Variants in TBCD observed in about 807,000 individuals in gnomAD.
TBCD encodes tubulin folding cofactor D, also known as tubulin-specific chaperone D.
TBCD carries 105 observed loss-of-function variants against 169.3 expected under a neutral mutation model. The observed-to-expected ratio is 0.62, with a 90% CI of 0.53 to 0.73. The LOEUF (loss-of-function observed/expected upper bound fraction) is 0.73. Ranked by LOEUF, TBCD falls within the 30% of genes least tolerant of loss-of-function variation. The pLI is 0.00. For synonymous variants in TBCD, 700 were observed against 643.9 expected (o/e 1.09, Z -1.32); for missense variants, 1,444 against 1,600.1 (o/e 0.90, Z 1.66).
At chr17:82,752,431 C>T in intron 1 of TBCD, 54 bp downstream of exon 1, 2 of 1,177,454 alleles carry the variant, frequency 1.7e-6, no homozygotes, top group Non-Finnish European at 1.1e-6. Flanking sequence ...GTTCGGCGCG[C>T]TGAGTGCACT....
At position 82,806,173 on chromosome 17, in the gene TBCD, A is replaced by G. The variant is rs966798687; in HGVS notation, c.1087+162A>G. On this transcript the variant is annotated intron_variant, in intron 10 of 38. Transcript: ENST00000355528. This position sits in a 1 kb window ranked among gnomAD's most constrained non-coding sequence, Gnocchi z 5.1. ...TCACTGCCCGTCCTCTGGCTCCTGA[A>G]CCCAGGCCTGTCCCTGACCATGGAC... Among the ~76,000 whole-genome samples the G allele has an allele frequency of 4.6e-5, 7 of 151,726 alleles. No homozygotes were observed. The highest frequency in any genetic ancestry group is 3.3e-4 in the Admixed American group (5 of 15,250).
chr17:82,832,157 A>G lies in TBCD; in HGVS notation c.1318+17223A>G. The stretch of plus-strand genomic sequence containing the variant: ...CTGGCAGAGCTGTGCTGAAGCTTCG[A>G]GTCGAAGGCAGAGAGTCCATTTGCG... On this transcript the variant is annotated intron_variant, in intron 13 of 38. Coordinates refer to ENST00000355528, the MANE Select transcript of TBCD (RefSeq NM_005993.5). This position sits in a 1 kb window ranked among gnomAD's most constrained non-coding sequence, Gnocchi z 4.9. 1.2e-6 allele frequency: 2 copies of G among 1,614,196 alleles called. No homozygotes were observed. Among genetic ancestry groups the G allele is most frequent in the Non-Finnish European group, 1.7e-6 (2 of 1,180,036 alleles).
rs1306595095 is a variant in TBCD at position 82,884,666 on chromosome 17, G to A, written c.1533+464G>A. 6 of 207,692 alleles carry A rather than the reference G, an allele frequency of 2.9e-5. No individual in the cohort carries two copies. The highest frequency in any genetic ancestry group is 5.1e-5 in the Non-Finnish European group (5 of 98,600). The allele number at this position is 207,692 out of a possible 1,614,324, so 12.9% of individuals were successfully genotyped here. ...CTCGCCTGGGCCTTGCTGGATGTGG[G>A]AGCTGCCTGCAGGACCGGGTGCGTC... On this transcript the variant is annotated intron_variant, in intron 15 of 38. Transcript: ENST00000355528. The surrounding 1 kb of genome is among the most constrained non-coding windows in gnomAD (Gnocchi z 4.2).
Position 82,884,152 on chromosome 17 carries a change from G to A in TBCD, c.1483G>A (p.Val495Met). Reference sequence around the variant, plus strand: ...CCTTTCTCTTTTTCACAGTGCACTGGTGATTGCTGCGGTGTTTGACCGAGA... The same window carrying A: ...CCTTTCTCTTTTTCACAGTGCACTGATGATTGCTGCGGTGTTTGACCGAGA... ...PFVTAISSAL[V>M]IAAVFDRDIN... The change falls in exon 15 of 39, where the codon GTG becomes ATG. Residue 495 changes from valine (V) to methionine (M), a missense_variant. Coordinates refer to ENST00000355528, the MANE Select transcript of TBCD (RefSeq NM_005993.5). This position sits in a 1 kb window ranked among gnomAD's most constrained non-coding sequence, Gnocchi z 4.2. 6.2e-7 allele frequency: 1 copy of A among 1,609,636 alleles called. No individual in the cohort carries two copies. Among genetic ancestry groups the A allele is most frequent in the Non-Finnish European group, 8.5e-7 (1 of 1,177,758 alleles).
intron 18 of TBCD, among the ~76,000 whole-genome samples, chr17:82,901,271 T>C (rs1281530741): frequency 2.0e-5 from 3 of 152,220 alleles, no homozygotes; most frequent in Non-Finnish European, 4.4e-5. Context: ...ACCGCCGCCC[T>C]GAGGAGGTCA....
intron 12 of TBCD, among the ~76,000 whole-genome samples, chr17:82,814,360 A>G (rs1200773477): frequency 6.6e-6 from 1 of 152,156 alleles, no homozygotes; most frequent in Non-Finnish European, 1.5e-5. Context: ...TGTGGTGGGA[A>G]AACCCCACCT....
rs1423127735 is a variant in TBCD, at chr17:82,807,707, G to GCCGGC, written c.1148+41_1148+45dup. 3 of 1,412,370 alleles carry GCCGGC rather than the reference G, an allele frequency of 2.1e-6. No homozygotes were observed. In the African/African-American group the frequency reaches 4.4e-5, roughly 21 times the overall value. 87.5% of individuals were successfully genotyped at this position (1,412,370 alleles called of 1,614,324 possible). ...GCCGCAGAAGCACCCCGGGGGGTGG[G>GCCGGC]CCGGCCTCTCCTGTGCGATTCAGCA... On this transcript the variant is annotated intron_variant, in intron 11 of 38. Transcript: ENST00000355528.
Position 82,903,401 on chromosome 17 carries a change from T to G in TBCD, c.1731-4T>G. The stretch of plus-strand genomic sequence containing the variant: ...CACTTACGACATTCTCTCCTCACTC[T>G]CAGGGTCATCCGAGAGTTGGCTGCG... On this transcript the variant is annotated splice_polypyrimidine_tract_variant and splice_region_variant and intron_variant, in intron 18 of 38. Coordinates refer to ENST00000355528, the MANE Select transcript of TBCD (RefSeq NM_005993.5). The surrounding 1 kb of genome is among the most constrained non-coding windows in gnomAD (Gnocchi z 4.8). The G allele has an allele frequency of 6.2e-7, 1 of 1,600,492 alleles. No individual in the cohort carries two copies. The highest frequency in any genetic ancestry group is 8.5e-7 in the Non-Finnish European group (1 of 1,173,576).
At chr17:82,816,675 C>T (rs2459714) in intron 13 of TBCD, among the ~76,000 whole-genome samples, 44 of 151,496 alleles carry the variant, frequency 2.9e-4, no homozygotes, top group South Asian at 4.2e-4. Flanking sequence ...CTGGGACCAC[C>T]GGTGCCCACC....
intron 2 of TBCD, among the ~76,000 whole-genome samples, chr17:82,762,715 C>T (rs2047828591): frequency 6.6e-6 from 1 of 151,868 alleles, no homozygotes; most frequent in Non-Finnish European, 1.5e-5. Flanking sequence ...CACCACTGCA[C>T]TCCAGCCTGG....
rs2053896640 is a variant in TBCD at position 82,835,562 on chromosome 17, A to AGT, written c.1318+20628_1318+20629insGT. 6.6e-6 allele frequency among the ~76,000 whole-genome samples: 1 copy of AGT among 152,050 alleles called. No homozygotes were observed. Among genetic ancestry groups the AGT allele is most frequent in the African/African-American group, 2.4e-5 (1 of 41,380 alleles). On this transcript the variant is annotated intron_variant, in intron 13 of 38. Coordinates refer to ENST00000355528, the MANE Select transcript of TBCD (RefSeq NM_005993.5). The surrounding 1 kb of genome is among the most constrained non-coding windows in gnomAD (Gnocchi z 4.5). ...CTCAGCCTCCCTAGTAGCTGGGATT[A>AGT]CAGGTGCCTACCACCACGCCCAGCT...
Position 82,752,321 on chromosome 17 carries a change from T to A in TBCD, c.128T>A (p.Leu43Gln). 6.8e-7 allele frequency: 1 copy of A among 1,473,942 alleles called. No homozygotes were observed. Among genetic ancestry groups the A allele is most frequent in the Admixed American group, 2.5e-5 (1 of 40,408 alleles). The allele number at this position is 1,473,942 out of a possible 1,614,324, so 91.3% of individuals were successfully genotyped here. A position where few individuals can be genotyped will look rare whatever the true frequency, so the allele number is the denominator to read the frequency against. Reference sequence around the variant, plus strand: ...GAGACCCGGGCGCTGCTGGGCCGCCTGCGGGAGGTGCACGGCGGCGGCGCG... The same window carrying A: ...GAGACCCGGGCGCTGCTGGGCCGCCAGCGGGAGGTGCACGGCGGCGGCGCG... ...SAETRALLGR[L>Q]REVHGGGAER... Residue 43 changes from leucine to glutamine, a missense_variant, in exon 1 of 39, where the codon CTG becomes CAG. By Grantham distance (113) the Leu-to-Gln change is moderately radical. Coordinates refer to ENST00000355528, the MANE Select transcript of TBCD (RefSeq NM_005993.5).
intron 7 of TBCD, among the ~76,000 whole-genome samples, chr17:82,785,750 G>T (rs2049269586): frequency 6.9e-6 from 1 of 145,318 alleles, no homozygotes; most frequent in Admixed American, 6.7e-5. Flanking sequence ...GCGGGAGGGG[G>T]GTCCATGCTG....
At chr17:82,817,287 T>C (rs1219803319) in intron 13 of TBCD, among the ~76,000 whole-genome samples, 6 of 152,030 alleles carry the variant, frequency 3.9e-5, no homozygotes, top group African/African-American at 7.3e-5. Context: ...TGCACCACCA[T>C]GCCTGGCAAC....
chr17:82,849,991 C>CTGTGTTGT (rs2055541192), intron 13 of TBCD, among the ~76,000 whole-genome samples: 1 of 122,382 alleles, frequency 8.2e-6, no homozygotes, highest in Non-Finnish European at 1.7e-5. Context: ...GGCTGTGCTG[C>CTGTGTTGT]TGTTGGCTGT....
chr17:82,774,692 T>A (rs1218303511), intron 6 of TBCD, among the ~76,000 whole-genome samples: 1 of 152,112 alleles, frequency 6.6e-6, no homozygotes, highest in Non-Finnish European at 1.5e-5. Context: ...CCCACCCGAG[T>A]GTGTCTACCT....
intron 33 of TBCD, among the ~76,000 whole-genome samples, chr17:82,932,367 T>G (rs996180958): frequency 6.6e-6 from 1 of 152,188 alleles, no homozygotes; most frequent in South Asian, 2.1e-4. Context: ...TAAGAAACTG[T>G]GGGTTTACTT....
At chr17:82,774,131 G>A (rs1469642542) in intron 6 of TBCD, among the ~76,000 whole-genome samples, 2 of 151,666 alleles carry the variant, frequency 1.3e-5, no homozygotes, top group Non-Finnish European at 2.9e-5. Context: ...GGACAATAGT[G>A]GAGGGAAGGT....
In TBCD at chr17:82,782,773, G is replaced by A. The variant is rs1330990970; in HGVS notation, c.771+1052G>A. Among the ~76,000 whole-genome samples the A allele has an allele frequency of 1.3e-5, 2 of 151,394 alleles. No homozygotes were observed. The highest frequency in any genetic ancestry group is 2.9e-5 in the Non-Finnish European group (2 of 67,840). On this transcript the variant is annotated intron_variant, in intron 7 of 38. Transcript: ENST00000355528. The surrounding 1 kb of genome is among the most constrained non-coding windows in gnomAD (Gnocchi z 5.1). ...TCCGCGGCATTGTCTTCCTATCCGC[G>A]GCGTTGTCTTCCTGTCTGTGGCGTC... is the stretch of plus-strand genomic sequence containing the variant.
Sources: allele counts gnomAD v4.1 joint callset (sites outside exome capture counted in the v4.1 genomes callset), GRCh38; gene constraint gnomAD v4.1.1; non-coding constraint Gnocchi (gnomAD v3.1); transcripts MANE v1.5; gene names NCBI Gene and HGNC (gene_info 2026-07-23, HGNC 2026-07-21).